TMEM276: variants seen among roughly 807,000 people sequenced by gnomAD.
The protein encoded by TMEM276 is transmembrane protein 276.
the TMEM276 span, chr8:144,464,781 C>T: frequency 3.1e-6 from 5 of 1,609,940 alleles, no homozygotes; most frequent in African/African-American, 5.3e-5. Flanking sequence ...TATGGGGATG[C>T]GCCCCTGCTC....
the TMEM276 span, chr8:144,466,885 C>G: frequency 6.5e-7 from 1 of 1,541,656 alleles, no homozygotes; most frequent in African/African-American, 1.4e-5. Context: ...GTGCCGGGAC[C>G]TCCCAGGGAG....
the TMEM276 span, chr8:144,465,112 A>G: frequency 6.9e-7 from 1 of 1,454,792 alleles, no homozygotes; most frequent in African/African-American, 1.4e-5. Flanking sequence ...GAGAAGAAGA[A>G]CCTAATTCAG....
chr8:144,465,320 C>T, the TMEM276 span: 1 of 1,085,412 alleles, frequency 9.2e-7, no homozygotes, highest in East Asian at 6.8e-5. Flanking sequence ...AGCGACGGCG[C>T]AGGACTCCGG....
At chr8:144,464,622 CAG>C in the TMEM276 span, 138 of 1,600,250 alleles carry the variant, frequency 8.6e-5, no homozygotes, top group African/African-American at 1.6e-3. Context: ...CCTGTCAACA[CAG>C]GGAAGGGAGA....
At chr8:144,466,221 A>G in the TMEM276 span, 1 of 183,994 alleles carries the variant, frequency 5.4e-6, no homozygotes. Flanking sequence ...CGCCGTGAGA[A>G]ACGGCGGGTC....
chr8:144,463,831 C>A, the TMEM276 span: 4 of 1,302,584 alleles, frequency 3.1e-6, no homozygotes, highest in South Asian at 4.4e-5. Flanking sequence ...CATATTCCTG[C>A]AAAATTCCTA....
chr8:144,464,266 C>T, the TMEM276 span: 1 of 1,613,320 alleles, frequency 6.2e-7, no homozygotes, highest in African/African-American at 1.3e-5. Flanking sequence ...GCCTGCCACA[C>T]CCAGCATCGC....
chr8:144,464,649 G>T, the TMEM276 span: 39 of 1,581,640 alleles, frequency 2.5e-5, no homozygotes, highest in Non-Finnish European at 3.3e-5. Flanking sequence ...GTGGGAAAAA[G>T]AGGCCGGGGT....
the TMEM276 span, chr8:144,466,933 C>T: frequency 2.7e-5 from 42 of 1,581,302 alleles, no homozygotes; most frequent in Admixed American, 1.0e-4. Context: ...CCCGAAATGT[C>T]TCCCGCCCTC....
chr8:144,463,917 C>T, the TMEM276 span: 1 of 1,428,492 alleles, frequency 7.0e-7, no homozygotes, highest in Non-Finnish European at 9.1e-7. Flanking sequence ...CCAAACGTGT[C>T]TGGGACCCTG....
At chr8:144,464,220 C>T in the TMEM276 span, 1 of 1,613,066 alleles carries the variant, frequency 6.2e-7, no homozygotes, top group Non-Finnish European at 8.5e-7. Context: ...CCTTCGGTAG[C>T]AGCAGCAGCC....
the TMEM276 span, chr8:144,464,826 C>G: frequency 3.1e-6 from 5 of 1,612,858 alleles, no homozygotes; most frequent in Admixed American, 3.3e-5. Context: ...GTGCTCACGG[C>G]TGCGTGCAGA....
the TMEM276 span, chr8:144,463,830 G>A: frequency 7.7e-7 from 1 of 1,298,188 alleles, no homozygotes; most frequent in Non-Finnish European, 9.8e-7. Flanking sequence ...TCATATTCCT[G>A]CAAAATTCCT....
At chr8:144,465,178 G>T in the TMEM276 span, 1 of 1,349,490 alleles carries the variant, frequency 7.4e-7, no homozygotes, top group Non-Finnish European at 9.7e-7. Flanking sequence ...GTCAGCCCTG[G>T]GGCCCTGGAG....
the TMEM276 span, chr8:144,466,559 C>T: frequency 3.8e-6 from 4 of 1,062,784 alleles, no homozygotes; most frequent in Admixed American, 8.8e-5. Flanking sequence ...CTCCCGCCGC[C>T]TGCCCCACCC....
the TMEM276 span, chr8:144,464,028 G>C: frequency 2.0e-6 from 3 of 1,529,592 alleles, no homozygotes; most frequent in South Asian, 3.9e-5. Flanking sequence ...CACTTCAGTA[G>C]GCAGAAGAGT....
chr8:144,465,282 G>A, the TMEM276 span: 1 of 1,117,350 alleles, frequency 8.9e-7, no homozygotes. Flanking sequence ...TCCGGGAGGC[G>A]TTGTCCTGGG....
At chr8:144,464,307 G>A in the TMEM276 span, 1 of 1,613,164 alleles carries the variant, frequency 6.2e-7, no homozygotes, top group Non-Finnish European at 8.5e-7. Flanking sequence ...TGTTGGCCGT[G>A]AAGACAGCTA....
At chr8:144,467,009 G>C in the TMEM276 span, 1 of 1,596,178 alleles carries the variant, frequency 6.3e-7, no homozygotes, top group Non-Finnish European at 8.5e-7. Context: ...GGGCCGCGCG[G>C]CCGCGGTGTC....
Sources: allele counts gnomAD v4.1 joint callset, GRCh38; gene constraint gnomAD v4.1.1; transcripts MANE v1.5; gene names NCBI Gene and HGNC (gene_info 2026-07-23, HGNC 2026-07-21).